INTS14: variants seen among roughly 807,000 people sequenced by gnomAD.
INTS14 encodes integrator complex subunit 14, also known as UPF0464 protein C15orf44.
Under a neutral mutation model 56.9 loss-of-function variants are expected in INTS14, and 27 were observed. That is an observed-to-expected ratio of 0.47 (90% CI 0.35 to 0.65). The LOEUF (loss-of-function observed/expected upper bound fraction) is 0.65. INTS14 is among the 30% of genes least tolerant of loss of function. INTS14 has a pLI of 0.00. For missense variants in INTS14, 517 were observed against 632.2 expected, an observed-to-expected ratio of 0.82 and a Z score of 1.95; for synonymous variants, 207 against 236.2, an observed-to-expected ratio of 0.88 and a Z score of 1.13.
intron 2 of INTS14, among the ~76,000 whole-genome samples, chr15:65,606,043 C>A (rs1260987437): frequency 6.6e-6 from 1 of 151,886 alleles, no homozygotes; most frequent in Non-Finnish European, 1.5e-5. Context: ...ATCATGAGGT[C>A]AGGAGATCGA....
chr15:65,610,699 T>C, intron 1 of INTS14: 7 of 1,535,740 alleles, frequency 4.6e-6, no homozygotes, highest in Non-Finnish European at 5.2e-6. Flanking sequence ...CTCTTTGGCT[T>C]TCCCGTCAGC....
chr15:65,581,932 C>T, intron 11 of INTS14, 22 bp downstream of exon 11: 1 of 1,610,912 alleles, frequency 6.2e-7, no homozygotes, highest in Non-Finnish European at 8.5e-7. Context: ...ATTTTGGGCA[C>T]ATCCTCTTCT....
At chr15:65,588,876 A>G (rs1053039742) in intron 9 of INTS14, among the ~76,000 whole-genome samples, 32 of 152,132 alleles carry the variant, frequency 2.1e-4, no homozygotes, top group African/African-American at 7.7e-4. Flanking sequence ...GACTGCTGTG[A>G]GAGTTAAATG....
intron 9 of INTS14, among the ~76,000 whole-genome samples, chr15:65,590,328 G>C (rs2072977703): frequency 6.6e-6 from 1 of 152,210 alleles, no homozygotes; most frequent in Non-Finnish European, 1.5e-5. Context: ...TTCCTAACTG[G>C]TATCCCCCTG....
At chr15:65,603,946 T>C (rs148348344) in intron 3 of INTS14, among the ~76,000 whole-genome samples, 1 of 152,330 alleles carries the variant, frequency 6.6e-6, no homozygotes, top group African/African-American at 2.4e-5. Flanking sequence ...TGTTTCTGCT[T>C]TTTCCTTCAA....
chr15:65,600,467 A>G (rs1187667266), intron 3 of INTS14, among the ~76,000 whole-genome samples: 1 of 151,362 alleles, frequency 6.6e-6, no homozygotes, highest in Non-Finnish European at 1.5e-5. Context: ...TGCCTCTACA[A>G]AAAATACAAG....
chr15:65,598,964 G>T lies in INTS14; in HGVS notation c.513C>A (p.Cys171Ter). 6.2e-7 allele frequency: 1 copy of T among 1,613,740 alleles called. No individual in the cohort carries two copies. ...EELQSTDSLE[C>*]LERLIDLNNG... ...TGTTTAAATCTATGAGACGTTCAAG[G>T]CATTCCAAGGAATCGGTGCTCTGGA... Residue 171 changes from cysteine to a stop codon, truncating the protein, a stop_gained, in exon 5 of 12, where the codon TGC becomes TGA. Coordinates refer to ENST00000313182, the MANE Select transcript of INTS14 (RefSeq NM_001394796.1). LOFTEE classifies it high-confidence loss of function.
chr15:65,599,185 C>T (rs1223973505), intron 4 of INTS14, among the ~76,000 whole-genome samples, 195 bp from the exon 5 acceptor site: 1 of 152,114 alleles, frequency 6.6e-6, no homozygotes, highest in Non-Finnish European at 1.5e-5. Context: ...CGTAAAATAA[C>T]ACAGGTAGAG....
intron 4 of INTS14, 145 bp from the exon 5 acceptor site, chr15:65,599,135 A>C (rs1253802981): frequency 1.7e-6 from 1 of 602,438 alleles, no homozygotes; most frequent in East Asian, 2.8e-5. Flanking sequence ...AGAAAATAAC[A>C]ACAACAATTT....
chr15:65,596,266 A>G (rs1224553437), intron 6 of INTS14, among the ~76,000 whole-genome samples: 2 of 152,228 alleles, frequency 1.3e-5, no homozygotes, highest in African/African-American at 2.4e-5. Flanking sequence ...TAGGGTAAGC[A>G]GTCTAAATAT....
In INTS14 at chr15:65,598,375, C is replaced by G. The variant is rs2073294008; in HGVS notation, c.694G>C (p.Glu232Gln). 6.2e-7 allele frequency: 1 copy of G among 1,613,958 alleles called. No individual in the cohort carries two copies. The highest frequency in any genetic ancestry group is 8.5e-7 in the Non-Finnish European group (1 of 1,179,992). The change falls in exon 6 of 12, where the codon GAA becomes CAA. Residue 232 changes from glutamate (E) to glutamine (Q), a missense_variant. By Grantham distance (29) the Glu-to-Gln change is conservative. Coordinates refer to ENST00000313182, the MANE Select transcript of INTS14 (RefSeq NM_001394796.1). ...TADVQVFPRP[E>Q]PFVVDEEIDP... ...ATTTCTTCATCTACAACAAAAGGTT[C>G]TGGCCTGGGGAAGACTTGTACATCA... is the stretch of plus-strand genomic sequence containing the variant.
intron 4 of INTS14, 113 bp from the exon 5 acceptor site, chr15:65,599,103 T>C: frequency 1.5e-6 from 1 of 680,048 alleles, no homozygotes; most frequent in Non-Finnish European, 2.5e-6. Flanking sequence ...AACAGATGAT[T>C]TTTTTAATAG....
At position 65,579,329 on chromosome 15, in the gene INTS14, G is replaced by A; in HGVS notation, c.*79C>T. The A allele has an allele frequency of 1.3e-6, 2 of 1,553,160 alleles. No individual in the cohort carries two copies. ...AAGGTCTTTGGGTGGCTATTCTAGA[G>A]GTGAACATACTGGAAAGGTTTTTAC... On this transcript the variant is annotated 3_prime_UTR_variant, in exon 12 of 12. Transcript: ENST00000313182.
intron 2 of INTS14, among the ~76,000 whole-genome samples, chr15:65,606,789 G>A (rs2073670563): frequency 6.6e-6 from 1 of 152,150 alleles, no homozygotes; most frequent in Non-Finnish European, 1.5e-5. Flanking sequence ...TCTAGAATAA[G>A]AAAGGGCTAT....
At chr15:65,593,246 A>G (rs1175584475) in intron 8 of INTS14, among the ~76,000 whole-genome samples, 182 bp downstream of exon 8, 1 of 151,654 alleles carries the variant, frequency 6.6e-6, no homozygotes, top group Non-Finnish European at 1.5e-5. Context: ...GGGACAGAGC[A>G]AGACCTCGTC....
At position 65,610,106 on chromosome 15, in the gene INTS14, T is replaced by C. The variant is rs553377996; in HGVS notation, c.-63+992A>G. The stretch of plus-strand genomic sequence containing the variant: ...AAAAAAAGGCCAGGCACGCCTTTAA[T>C]CCCAGCACTTTGGGAGGCTGAGGCG... On this transcript the variant is annotated intron_variant, in intron 1 of 11. Transcript: ENST00000313182. Among the ~76,000 whole-genome samples, 4 of 150,286 alleles carry C rather than the reference T, an allele frequency of 2.7e-5. No individual in the cohort carries two copies. In the East Asian group the frequency reaches 5.9e-4, roughly 22 times the overall value.
intron 3 of INTS14, 56 bp from the exon 4 acceptor site, chr15:65,599,985 T>C: frequency 6.4e-7 from 1 of 1,560,006 alleles, no homozygotes; most frequent in Non-Finnish European, 8.7e-7. Flanking sequence ...TTTAACGCAG[T>C]CCCATTTAGC....
At chr15:65,591,520 T>C (rs1328392942) in intron 9 of INTS14, 78 bp downstream of exon 9, 11 of 1,550,894 alleles carry the variant, frequency 7.1e-6, no homozygotes, top group East Asian at 2.2e-5. Context: ...ATCAGTTCTC[T>C]GACTGCACAG....
chr15:65,607,320 C>T lies in INTS14; in HGVS notation c.61G>A (p.Gly21Arg), dbSNP rs1440894749. ...TGCTTACGCTGGTATTCCTCGGACC[C>T]CTCAATAGACACAGGTCGGGTCATG... is the stretch of plus-strand genomic sequence containing the variant. ...LSMTRPVSIE[G>R]SEEYQRKHLA... The change falls in exon 2 of 12, where the codon GGG (glycine) becomes AGG (arginine). Residue 21 changes from glycine (G) to arginine (R), a missense_variant. Physicochemically the swap from Gly to Arg is moderately radical, Grantham distance 125. Transcript: ENST00000313182. The T allele has an allele frequency of 1.2e-6, 2 of 1,614,092 alleles. No individual in the cohort carries two copies.
Sources: allele counts gnomAD v4.1 joint callset (sites outside exome capture counted in the v4.1 genomes callset), GRCh38; gene constraint gnomAD v4.1.1; transcripts MANE v1.5; gene names NCBI Gene and HGNC (gene_info 2026-07-23, HGNC 2026-07-21).